The following LOXHD1 variants were observed in gnomAD, a reference collection of about 807,000 sequenced individuals.
LOXHD1 encodes the protein lipoxygenase homology PLAT domains 1.
In LOXHD1, 205 loss-of-function variants were observed where a neutral mutation model predicts 248.2. The ratio of observed to expected loss-of-function variants is 0.83; its 90% CI spans 0.74 to 0.93. LOXHD1 has a LOEUF of 0.93. LOXHD1 is among the 40% of genes least tolerant of loss of function. The probability of loss-of-function intolerance (pLI) is 0.00; values close to 1 mark genes in which losing one functional copy is unlikely to be tolerated. For missense variants in LOXHD1, 2,930 were observed against 2,971.6 expected (o/e 0.99, Z 0.33); for synonymous variants, 1,113 against 1,162.8 (o/e 0.96, Z 0.87).
chr18:46,601,646 CT>C, intron 7 of LOXHD1, 179 bp from the exon 8 acceptor site: 3 of 784,748 alleles, frequency 3.8e-6, no homozygotes, highest in Admixed American at 4.5e-5. Flanking sequence ...CTCATTTCAT[CT>C]TTTCCAGAGT....
intron 19 of LOXHD1, 68 bp from the exon 20 acceptor site, chr18:46,559,670 CCT>C (rs1228753319): frequency 1.1e-5 from 16 of 1,484,378 alleles, no homozygotes; most frequent in Non-Finnish European, 1.5e-5. Context: ...TGAGGCACAG[CCT>C]CTCAGATCCA....
chr18:46,534,501 G>C, intron 26 of LOXHD1, 50 bp from the exon 27 acceptor site: 2 of 1,416,556 alleles, frequency 1.4e-6, no homozygotes, highest in South Asian at 1.2e-5. Context: ...ATCCAGGAAA[G>C]TATGGCCTTG....
chr18:46,649,352 T>A, intron 1 of LOXHD1, 83 bp from the exon 2 acceptor site: 2 of 1,212,234 alleles, frequency 1.6e-6, no homozygotes, highest in African/African-American at 1.5e-5. Context: ...CAGCCCTTGC[T>A]GGGGAGGCCC....
rs28402822 is a variant in LOXHD1, at chr18:46,554,590, T to C, written c.3350+2766A>G. Among the ~76,000 whole-genome samples the C allele has an allele frequency of 8.9e-4, 135 of 151,860 alleles. 2 individuals are homozygous for C. In the East Asian group the frequency reaches 0.019, roughly 21 times the overall value. On this transcript the variant is annotated intron_variant, in intron 21 of 40. Coordinates refer to ENST00000642948, the MANE Select transcript of LOXHD1 (RefSeq NM_001384474.1). ...TCATCACAGAGCCCTGGCAGACTGC[T>C]ACTTCAATAGCAAAGGAAGCAAAGG...
chr18:46,518,674 G>A (rs1406125610), intron 33 of LOXHD1, among the ~76,000 whole-genome samples: 1 of 152,236 alleles, frequency 6.6e-6, no homozygotes, highest in Non-Finnish European at 1.5e-5. Flanking sequence ...GACCTCACCA[G>A]CCTCTGCTCC....
At chr18:46,489,649 T>C (rs534879562) in intron 37 of LOXHD1, among the ~76,000 whole-genome samples, 1 of 152,288 alleles carries the variant, frequency 6.6e-6, no homozygotes, top group African/African-American at 2.4e-5. Context: ...TGTCCCCTGA[T>C]CACCTGCTAG....
rs113470405 is a variant in LOXHD1 at position 46,545,197 on chromosome 18, G to T, written c.3619+120C>A. The T allele has an allele frequency of 5.5e-4, 400 of 729,252 alleles. 1 individual carries two copies. The African/African-American group carries it at 6.4e-3, about 12-fold the overall frequency. 45.2% of individuals were successfully genotyped at this position (729,252 alleles called of 1,614,324 possible). ...ACTGCCTTTCTCGATGGGGCTAATT[G>T]CTTGCATCCTATTGAGAGACAAAAG... is the stretch of plus-strand genomic sequence containing the variant. On this transcript the variant is annotated intron_variant, in intron 23 of 40. Coordinates refer to ENST00000642948, the MANE Select transcript of LOXHD1 (RefSeq NM_001384474.1).
At chr18:46,483,554 T>C in intron 40 of LOXHD1, 33 bp downstream of exon 40, 1 of 1,551,150 alleles carries the variant, frequency 6.4e-7, no homozygotes, top group Middle Eastern at 1.7e-4. Flanking sequence ...GCTGAGGGAG[T>C]GGCACTTCCT....
chr18:46,493,491 A>C (rs951810878), intron 37 of LOXHD1, among the ~76,000 whole-genome samples: 1 of 152,246 alleles, frequency 6.6e-6, no homozygotes, highest in Non-Finnish European at 1.5e-5. Context: ...TGCCTGGGAC[A>C]GTGCTTGGCA....
Position 46,657,029 on chromosome 18 carries a change from A to G in LOXHD1, c.5T>C (p.Met2Thr), listed in dbSNP as rs761525328. 1.4e-5 allele frequency: 22 copies of G among 1,551,512 alleles called. No individual in the cohort carries two copies. The highest frequency in any genetic ancestry group is 1.9e-5 in the Non-Finnish European group (22 of 1,146,946). M[M>T]PQKKRRRKKD... ...CTTCCTCCGCCTTTTCTTCTGGGGC[A>G]TCATTCTGTCGGCTGCCTTCTCCCA... Residue 2 changes from methionine to threonine, a missense_variant, in exon 1 of 41, where the codon ATG (methionine) becomes ACG (threonine). Transcript: ENST00000642948.
chr18:46,524,894 G>A lies in LOXHD1; in HGVS notation c.4554C>T (p.Ala1518=), dbSNP rs376705239. 8.5e-5 allele frequency: 132 copies of A among 1,551,570 alleles called. No individual in the cohort carries two copies. Among genetic ancestry groups the A allele is most frequent in the South Asian group, 5.7e-4 (48 of 84,062 alleles). Residue 1518 remains alanine (A), a synonymous_variant, in exon 30 of 41, where the codon GCC becomes GCT. Coordinates refer to ENST00000642948, the MANE Select transcript of LOXHD1 (RefSeq NM_001384474.1). Reference sequence around the variant, plus strand: ...TCTTGTAGATGACGCCTAGGTCAGCGGCCTCGATGATGAAGGTGTCAGCCT... The same window carrying A: ...TCTTGTAGATGACGCCTAGGTCAGCAGCCTCGATGATGAAGGTGTCAGCCT... ...RGTADTFIIE[A]ADLGVIYKIK... is the part of the protein sequence containing the mutation.
At chr18:46,581,232 A>G (rs2037955619) in intron 12 of LOXHD1, among the ~76,000 whole-genome samples, 2 of 152,156 alleles carry the variant, frequency 1.3e-5, no homozygotes, top group Non-Finnish European at 1.5e-5. Context: ...AAGTGGAGAA[A>G]AGTCAACAGA....
intron 4 of LOXHD1, among the ~76,000 whole-genome samples, chr18:46,631,045 G>A (rs1442286414): frequency 2.6e-5 from 4 of 152,094 alleles, no homozygotes; most frequent in African/African-American, 9.7e-5. Context: ...ATAATCAGAT[G>A]TGTCTATCCA....
chr18:46,653,881 A>G (rs947164712), intron 1 of LOXHD1, among the ~76,000 whole-genome samples: 10 of 152,242 alleles, frequency 6.6e-5, no homozygotes, highest in African/African-American at 2.4e-4. Context: ...TTGACCTAGA[A>G]GTTACATTTC....
At chr18:46,576,556 A>G (rs1177249735) in intron 14 of LOXHD1, among the ~76,000 whole-genome samples, 1 of 152,026 alleles carries the variant, frequency 6.6e-6, no homozygotes, top group East Asian at 1.9e-4. Flanking sequence ...GCCCAGGTGC[A>G]CTTCCATCTC....
At chr18:46,597,980 G>C (rs2038284057) in intron 8 of LOXHD1, among the ~76,000 whole-genome samples, 1 of 151,094 alleles carries the variant, frequency 6.6e-6, no homozygotes, top group South Asian at 2.1e-4. Flanking sequence ...TGTTAGCCAG[G>C]CTGGTCTCGA....
intron 12 of LOXHD1, among the ~76,000 whole-genome samples, chr18:46,582,317 G>A (rs2037979147): frequency 6.6e-6 from 1 of 151,978 alleles, no homozygotes; most frequent in East Asian, 1.9e-4. Context: ...CAAAGTTTTT[G>A]TATACTACTG....
chr18:46,639,484 A>C (rs1216226026), intron 4 of LOXHD1, 132 bp downstream of exon 4: 8 of 1,121,424 alleles, frequency 7.1e-6, no homozygotes, highest in Non-Finnish European at 9.9e-6. Context: ...GGCCCTAACC[A>C]ACAGGAAGGC....
chr18:46,645,762 C>T (rs2039021278), intron 2 of LOXHD1, among the ~76,000 whole-genome samples: 1 of 151,202 alleles, frequency 6.6e-6, no homozygotes, highest in Admixed American at 6.6e-5. Flanking sequence ...AGGAATTATT[C>T]TGTACTAGGA....
Sources: allele counts gnomAD v4.1 joint callset (sites outside exome capture counted in the v4.1 genomes callset), GRCh38; gene constraint gnomAD v4.1.1; transcripts MANE v1.5; gene names NCBI Gene and HGNC (gene_info 2026-07-23, HGNC 2026-07-21).